The following ART3 variants were observed in gnomAD, a reference collection of about 807,000 sequenced individuals.
ART3 encodes ecto-ADP-ribosyltransferase 3.
A neutral mutation model predicts 48.5 loss-of-function variants in ART3; 49 were observed. That is an observed-to-expected ratio of 1.01 (90% CI 0.80 to 1.28). The LOEUF is 1.28. Ranked by LOEUF, ART3 falls within the 50% of genes most tolerant of loss-of-function variation. The pLI is 0.00. For synonymous variants in ART3, 145 were observed against 157.2 expected (o/e 0.92, Z 0.58); for missense variants, 438 against 454.3 (o/e 0.96, Z 0.33).
intron 8 of ART3, among the ~76,000 whole-genome samples, chr4:76,103,024 A>G (rs1727676328): frequency 6.6e-6 from 1 of 152,140 alleles, no homozygotes; most frequent in African/African-American, 2.4e-5. Flanking sequence ...CCATTTCTCA[A>G]AGCGTTCTGA....
At position 76,061,544 on chromosome 4, in the gene ART3, C is replaced by T. The variant is rs895832057; in HGVS notation, c.-9-14337C>T. Among the ~76,000 whole-genome samples, 10 of 152,300 alleles carry T rather than the reference C, an allele frequency of 6.6e-5. No individual in the cohort carries two copies. In the South Asian group the frequency reaches 1.0e-3, roughly 16 times the overall value. On this transcript the variant is annotated intron_variant, in intron 1 of 9. Transcript: ENST00000341029. ...TGACCTTTTCAATCAGATTATGTTT[C>T]TCCTCTACTTCATGGTTTCCCATTG...
chr4:76,072,045 T>G (rs1299716404), upstream of ART3, among the ~76,000 whole-genome samples: 1 of 152,158 alleles, frequency 6.6e-6, no homozygotes, highest in Admixed American at 6.5e-5. Flanking sequence ...GCCTCCCAAG[T>G]AGCTAGGACT....
At chr4:76,112,052 T>C (rs1269682709) in intron 11 of ART3, 3 of 209,468 alleles carry the variant, frequency 1.4e-5, no homozygotes, top group Admixed American at 5.5e-5. Flanking sequence ...ACATATAAAA[T>C]ATGTTAATCA....
At chr4:76,087,655 T>A (rs1247932554) in intron 3 of ART3, among the ~76,000 whole-genome samples, 1 of 152,174 alleles carries the variant, frequency 6.6e-6, no homozygotes, top group Non-Finnish European at 1.5e-5. Context: ...GATAAATATA[T>A]ATTGTGAGTT....
Position 76,051,831 on chromosome 4 carries a change from T to TAATTCA in ART3, c.-9-24050_-9-24049insAATTCA, listed in dbSNP as rs535268769. On this transcript the variant is annotated intron_variant, in intron 1 of 9. Transcript: ENST00000341029. ...TGCTGGGATTACTGGCATAAGCCAC[T>TAATTCA]GTACCTGGCTGACAATGAATTTTAA... 5.7e-3 allele frequency among the ~76,000 whole-genome samples: 864 copies of TAATTCA among 151,726 alleles called. 21 individuals carry two copies. Among genetic ancestry groups the TAATTCA allele is most frequent in the African/African-American group, 0.02 (822 of 41,390 alleles).
intron 1 of ART3, among the ~76,000 whole-genome samples, chr4:76,011,930 G>T (rs1368773054): frequency 6.6e-6 from 1 of 152,204 alleles, no homozygotes; most frequent in Non-Finnish European, 1.5e-5. Flanking sequence ...AGGCTTTTAG[G>T]AGAAACAGAA....
intron 1 of ART3, chr4:76,034,803 T>C (rs1369097230): frequency 8.4e-6 from 13 of 1,554,014 alleles, no homozygotes; most frequent in Non-Finnish European, 1.2e-5. Context: ...TTAAAAATTC[T>C]TTCTTTCAAC....
intron 1 of ART3, among the ~76,000 whole-genome samples, chr4:76,054,665 T>G (rs968705659): frequency 7.9e-5 from 12 of 151,890 alleles, no homozygotes; most frequent in African/African-American, 2.7e-4. Flanking sequence ...GACCCCCATC[T>G]CTACTAAAAA....
intron 1 of ART3, among the ~76,000 whole-genome samples, chr4:76,042,816 C>T (rs977720925): frequency 6.6e-6 from 1 of 152,042 alleles, no homozygotes; most frequent in Non-Finnish European, 1.5e-5. Context: ...AAAGCTTCCA[C>T]AGTGTGGAAG....
At chr4:76,041,569 A>T (rs1383983792) in intron 1 of ART3, among the ~76,000 whole-genome samples, 1 of 152,110 alleles carries the variant, frequency 6.6e-6, no homozygotes, top group East Asian at 1.9e-4. Context: ...GTAAAAAGAA[A>T]CAGATGAAAT....
chr4:76,022,618 T>A, intron 1 of ART3: 1 of 1,442,984 alleles, frequency 6.9e-7, no homozygotes, highest in Non-Finnish European at 9.5e-7. Flanking sequence ...GATCTTTTTT[T>A]ATTATCATTA....
Position 76,041,727 on chromosome 4 carries a change from T to G in ART3, c.-10+30407T>G, listed in dbSNP as rs375997779. 9.5e-4 allele frequency among the ~76,000 whole-genome samples: 145 copies of G among 152,334 alleles called. 3 individuals are homozygous for G. Among genetic ancestry groups the G allele is most frequent in the African/African-American group, 3.2e-3 (133 of 41,580 alleles). ...TAGCTACATTTCAAATGCTTGATAA[T>G]AACATGTGTTTAGTGGCTACCATAT... On this transcript the variant is annotated intron_variant, in intron 1 of 9. Coordinates refer to the ART3 transcript ENST00000341029.
chr4:76,079,220 C>A (rs1227316934), intron 2 of ART3, among the ~76,000 whole-genome samples: 1 of 148,748 alleles, frequency 6.7e-6, no homozygotes, highest in Non-Finnish European at 1.5e-5. Flanking sequence ...ATAGTACCTA[C>A]CTCACAAGGT....
At chr4:76,022,706 G>T (rs200829450) in intron 1 of ART3, 1 of 1,613,628 alleles carries the variant, frequency 6.2e-7, no homozygotes, top group Non-Finnish European at 8.5e-7. Flanking sequence ...CTCAACACGT[G>T]GACAAAATTG....
chr4:76,112,307 T>A, intron 11 of ART3, 79 bp from the exon 12 acceptor site: 1 of 1,477,548 alleles, frequency 6.8e-7, no homozygotes, highest in South Asian at 1.4e-5. Context: ...ATTGTTTACA[T>A]ATTCAGGATA....
intron 8 of ART3, among the ~76,000 whole-genome samples, chr4:76,101,468 T>A (rs1727300766): frequency 6.6e-6 from 1 of 152,254 alleles, no homozygotes; most frequent in African/African-American, 2.4e-5. Flanking sequence ...TTTGTTTTAT[T>A]TTTAATATTA....
intron 1 of ART3, among the ~76,000 whole-genome samples, chr4:76,065,435 A>G (rs2149489535): frequency 6.6e-6 from 1 of 152,254 alleles, no homozygotes; most frequent in South Asian, 2.1e-4. Context: ...GAGAATGTAC[A>G]AACTCCACAT....
intron 1 of ART3, among the ~76,000 whole-genome samples, chr4:76,056,797 A>G (rs1718734129): frequency 6.6e-6 from 1 of 152,244 alleles, no homozygotes; most frequent in Admixed American, 6.5e-5. Context: ...CTTGAAATAC[A>G]GATTCTAAGT....
At chr4:76,080,896 T>G (rs1006645933) in intron 2 of ART3, among the ~76,000 whole-genome samples, 2 of 152,232 alleles carry the variant, frequency 1.3e-5, no homozygotes, top group Non-Finnish European at 2.9e-5. Flanking sequence ...CAAATGGGAT[T>G]TGAACTCTGA....
Sources: allele counts gnomAD v4.1 joint callset (sites outside exome capture counted in the v4.1 genomes callset), GRCh38; gene constraint gnomAD v4.1.1; transcripts MANE v1.5; gene names NCBI Gene and HGNC (gene_info 2026-07-23, HGNC 2026-07-21).